Variants in SFSWAP observed in about 807,000 individuals in gnomAD.
SFSWAP encodes the protein splicing factor SWAP, also known as splicing factor, suppressor of white-apricot homolog.
A neutral mutation model predicts 100.7 loss-of-function variants in SFSWAP; 17 were observed. The ratio of observed to expected loss-of-function variants is 0.17; its 90% CI spans 0.12 to 0.25. The LOEUF (loss-of-function observed/expected upper bound fraction) is 0.25, where lower values mean the gene tolerates loss of function less well. SFSWAP is among the 10% of genes least tolerant of loss of function. The pLI is 1.00. For missense variants in SFSWAP, 1,005 were observed against 1,262.6 expected (o/e 0.80, Z 3.09); for synonymous variants, 504 against 510.1 (o/e 0.99, Z 0.16).
chr12:131,713,967 GGTAA>G (rs1361740093), intron 1 of SFSWAP, 100 bp from the exon 2 acceptor site: 8 of 651,388 alleles, frequency 1.2e-5, no homozygotes, highest in South Asian at 4.8e-5. Flanking sequence ...TATTTTAATC[GGTAA>G]GTATGTGTGT....
At chr12:131,788,219 C>T (rs1885024164) in intron 15 of SFSWAP, among the ~76,000 whole-genome samples, 2 of 152,198 alleles carry the variant, frequency 1.3e-5, no homozygotes, top group African/African-American at 4.8e-5. Flanking sequence ...TAGCAGCGTC[C>T]TGATGGCCAG....
intron 13 of SFSWAP, among the ~76,000 whole-genome samples, chr12:131,771,875 A>G (rs1178725863): frequency 1.3e-5 from 2 of 151,902 alleles, no homozygotes; most frequent in African/African-American, 4.8e-5. Context: ...GTTGGCCAGG[A>G]TGGTCTCAAT....
At chr12:131,779,152 G>A (rs751707418) in intron 14 of SFSWAP, among the ~76,000 whole-genome samples, 9 of 147,322 alleles carry the variant, frequency 6.1e-5, no homozygotes, top group Non-Finnish European at 9.1e-5. Context: ...ACCGGTGAGC[G>A]TGTGTGCAGA....
At chr12:131,767,295 T>C (rs1303944845) in intron 13 of SFSWAP, among the ~76,000 whole-genome samples, 1 of 152,294 alleles carries the variant, frequency 6.6e-6, no homozygotes, top group Non-Finnish European at 1.5e-5. Flanking sequence ...CTCTACTTTT[T>C]TTTTTGTCAC....
intron 15 of SFSWAP, among the ~76,000 whole-genome samples, chr12:131,787,478 G>T (rs1286127417): frequency 6.6e-6 from 1 of 152,210 alleles, no homozygotes; most frequent in African/African-American, 2.4e-5. Flanking sequence ...AGCACAAGGA[G>T]CTTGTTTTGT....
chr12:131,788,784 AAT>A (rs1458916374), intron 15 of SFSWAP, among the ~76,000 whole-genome samples: 1 of 152,056 alleles, frequency 6.6e-6, no homozygotes, highest in Non-Finnish European at 1.5e-5. Flanking sequence ...CCTGGTACAG[AAT>A]ATGTTTTATT....
At chr12:131,779,555 C>T (rs1052512587) in intron 14 of SFSWAP, among the ~76,000 whole-genome samples, 3 of 152,186 alleles carry the variant, frequency 2.0e-5, no homozygotes, top group Non-Finnish European at 4.4e-5. Flanking sequence ...CCCCGTTACA[C>T]CTTGGGTTCG....
intron 4 of SFSWAP, among the ~76,000 whole-genome samples, chr12:131,723,558 T>C (rs1878681928): frequency 6.6e-6 from 1 of 152,182 alleles, no homozygotes; most frequent in African/African-American, 2.4e-5. Context: ...GCAAAGCAGG[T>C]ATTTGATTTT....
rs1008215757 is a variant in SFSWAP at position 131,721,550 on chromosome 12, T to G, written c.606+2011T>G. Among the ~76,000 whole-genome samples the G allele has an allele frequency of 2.0e-5, 3 of 152,244 alleles. No individual in the cohort carries two copies. In the East Asian group the frequency reaches 5.8e-4, roughly 29 times the overall value. On this transcript the variant is annotated intron_variant, in intron 4 of 17. Coordinates refer to ENST00000261674, the MANE Select transcript of SFSWAP (RefSeq NM_004592.4). ...CCATCTCTATTTAATGCTAAAAAGTTTATATGAAGTTGACTATATGGAATT... is the reference window on the plus strand; with the variant it reads ...CCATCTCTATTTAATGCTAAAAAGTGTATATGAAGTTGACTATATGGAATT...
intron 15 of SFSWAP, among the ~76,000 whole-genome samples, chr12:131,788,346 G>A (rs1339944441): frequency 6.6e-6 from 1 of 152,196 alleles, no homozygotes; most frequent in Admixed American, 6.5e-5. Context: ...CTGAGCTGCC[G>A]TGCCCAGACA....
chr12:131,785,318 C>T (rs1884815591), intron 14 of SFSWAP: 1 of 1,256,120 alleles, frequency 8.0e-7, no homozygotes, highest in Admixed American at 2.1e-5. Flanking sequence ...CGTTAAAGGG[C>T]AGCCACTCCT....
At position 131,725,879 on chromosome 12, in the gene SFSWAP, T is replaced by C. The variant is rs1216548861; in HGVS notation, c.832+249T>C. ...ATGAAATATAACTAAATATTGATGC[T>C]GTCAGAACATAATCATCTGGGTGGG... On this transcript the variant is annotated intron_variant, in intron 5 of 17. Transcript: ENST00000261674. This position sits in a 1 kb window ranked among gnomAD's most constrained non-coding sequence, Gnocchi z 4.3. 1.3e-5 allele frequency among the ~76,000 whole-genome samples: 2 copies of C among 152,224 alleles called. No individual in the cohort carries two copies. The highest frequency in any genetic ancestry group is 2.9e-5 in the Non-Finnish European group (2 of 68,048).
At chr12:131,773,953 A>G (rs1284213353) in intron 13 of SFSWAP, among the ~76,000 whole-genome samples, 3 of 152,234 alleles carry the variant, frequency 2.0e-5, no homozygotes, top group African/African-American at 7.2e-5. Context: ...ACGAGGGCCA[A>G]AGACCCACAA....
At chr12:131,788,825 G>T (rs1379887648) in intron 15 of SFSWAP, among the ~76,000 whole-genome samples, 2 of 152,082 alleles carry the variant, frequency 1.3e-5, no homozygotes, top group Non-Finnish European at 2.9e-5. Flanking sequence ...CCTACAGCCA[G>T]CCCGTGTCCC....
At chr12:131,715,158 G>A (rs757724484) in intron 3 of SFSWAP, among the ~76,000 whole-genome samples, 3 of 152,212 alleles carry the variant, frequency 2.0e-5, no homozygotes, top group Admixed American at 6.5e-5. Context: ...AAGTGAATGC[G>A]TTGGATTATT....
rs768228349 is a variant in SFSWAP at position 131,797,219 on chromosome 12, G to A, written c.2576G>A (p.Arg859Gln). The change falls in exon 16 of 18, where the codon CGG becomes CAG. Residue 859 changes from arginine (R) to glutamine (Q), a missense_variant. Arg to Gln is a conservative substitution (Grantham distance 43, BLOSUM62 1). Transcript: ENST00000261674. ...EKKKKRRSRS[R>Q]TKSKARSQSV... ...AAGAAGAAGAGGCGGTCCCGGTCGCGGACCAAGTCCAAGGCCAGGTCTCAG... is the reference window on the plus strand; with the variant it reads ...AAGAAGAAGAGGCGGTCCCGGTCGCAGACCAAGTCCAAGGCCAGGTCTCAG... The A allele has an allele frequency of 5.0e-6, 8 of 1,611,984 alleles. No individual in the cohort carries two copies. The highest frequency in any genetic ancestry group is 2.2e-5 in the East Asian group (1 of 44,860).
chr12:131,724,471 C>G (rs1398627166), intron 4 of SFSWAP, among the ~76,000 whole-genome samples: 1 of 152,122 alleles, frequency 6.6e-6, no homozygotes, highest in Non-Finnish European at 1.5e-5. Flanking sequence ...GTTATTAGTT[C>G]AAAAATTAAA....
At chr12:131,754,521 G>A (rs1205424545) in intron 9 of SFSWAP, 22 bp downstream of exon 9, 1 of 1,491,074 alleles carries the variant, frequency 6.7e-7, no homozygotes, top group South Asian at 1.2e-5. Flanking sequence ...AATTTTATAT[G>A]TTAGGTATAT....
intron 4 of SFSWAP, among the ~76,000 whole-genome samples, chr12:131,722,619 T>C (rs1193424979): frequency 6.6e-6 from 1 of 152,168 alleles, no homozygotes; most frequent in Non-Finnish European, 1.5e-5. Context: ...GTGTACTAAG[T>C]GCTTCTCTAG....
Sources: allele counts gnomAD v4.1 joint callset (sites outside exome capture counted in the v4.1 genomes callset), GRCh38; gene constraint gnomAD v4.1.1; non-coding constraint Gnocchi (gnomAD v3.1); transcripts MANE v1.5; gene names NCBI Gene and HGNC (gene_info 2026-07-23, HGNC 2026-07-21).